BMAL1: variants seen among roughly 807,000 people sequenced by gnomAD.
BMAL1 encodes the protein basic helix-loop-helix ARNT like 1, also known as basic helix-loop-helix ARNT-like protein 1.
At chr11:13,364,973 C>T in the BMAL1 span, among the ~76,000 whole-genome samples, 1 of 151,994 alleles carries the variant, frequency 6.6e-6, no homozygotes, top group Non-Finnish European at 1.5e-5. Context: ...GCCAGACCAT[C>T]AGCATAAAAA....
chr11:13,386,602 A>G, the BMAL1 span: 2 of 1,611,744 alleles, frequency 1.2e-6, no homozygotes, highest in Non-Finnish European at 1.7e-6. Flanking sequence ...ACAGGTGAGA[A>G]CCCCCACATA....
chr11:13,303,543 C>T, the BMAL1 span, among the ~76,000 whole-genome samples: 1 of 152,180 alleles, frequency 6.6e-6, no homozygotes, highest in Admixed American at 6.5e-5. Context: ...TGTAGCAACA[C>T]AACAAAACTG....
At chr11:13,311,569 C>T in the BMAL1 span, among the ~76,000 whole-genome samples, 7 of 152,122 alleles carry the variant, frequency 4.6e-5, no homozygotes, top group African/African-American at 1.4e-4. Flanking sequence ...AAAAATAGAC[C>T]GCTCATAGAA....
the BMAL1 span, among the ~76,000 whole-genome samples, chr11:13,289,830 C>G: frequency 6.6e-6 from 1 of 152,174 alleles, no homozygotes; most frequent in African/African-American, 2.4e-5. Flanking sequence ...GTGAATAGTG[C>G]CACAATAAAC....
At chr11:13,385,755 C>T in the BMAL1 span, 4 of 1,613,300 alleles carry the variant, frequency 2.5e-6, no homozygotes, top group South Asian at 2.2e-5. Context: ...TCAGGAGAAC[C>T]CAGGTTATCC....
chr11:13,306,652 T>C, the BMAL1 span, among the ~76,000 whole-genome samples: 79 of 151,654 alleles, frequency 5.2e-4, no homozygotes, highest in African/African-American at 1.8e-3. Flanking sequence ...ATCCAGGGAG[T>C]GTGCATTCTG....
At chr11:13,313,226 A>T in the BMAL1 span, among the ~76,000 whole-genome samples, 1 of 152,084 alleles carries the variant, frequency 6.6e-6, no homozygotes, top group Admixed American at 6.5e-5. Context: ...GTTCTCCTCC[A>T]GCTGCTGAGA....
chr11:13,383,085 C>T, the BMAL1 span, among the ~76,000 whole-genome samples: 1 of 152,150 alleles, frequency 6.6e-6, no homozygotes, highest in Non-Finnish European at 1.5e-5. Context: ...AAACTGACAG[C>T]AGTATTAAAT....
chr11:13,338,823 C>T, the BMAL1 span, among the ~76,000 whole-genome samples: 3 of 152,226 alleles, frequency 2.0e-5, no homozygotes, highest in African/African-American at 4.8e-5. Context: ...AAAGGAGACA[C>T]GTCAGGGCAG....
the BMAL1 span, among the ~76,000 whole-genome samples, chr11:13,368,653 G>A: frequency 6.6e-6 from 1 of 152,096 alleles, no homozygotes; most frequent in Non-Finnish European, 1.5e-5. Context: ...GTTTTCCCTC[G>A]GCTTCTGTAC....
chr11:13,310,048 G>A, the BMAL1 span: 2 of 152,702 alleles, frequency 1.3e-5, no homozygotes, highest in East Asian at 3.9e-4. Context: ...GTGGAATCCT[G>A]GGCCTTCATT....
At chr11:13,377,622 C>T in the BMAL1 span, among the ~76,000 whole-genome samples, 3 of 152,190 alleles carry the variant, frequency 2.0e-5, no homozygotes, top group East Asian at 1.9e-4. Flanking sequence ...TTCTGTGTAT[C>T]GTCCTTTGGT....
At chr11:13,297,147 C>T in the BMAL1 span, among the ~76,000 whole-genome samples, 7 of 152,338 alleles carry the variant, frequency 4.6e-5, no homozygotes, top group Admixed American at 4.6e-4. Flanking sequence ...TCCCTTAGTT[C>T]GTTTGAATGG....
At chr11:13,339,581 G>A in the BMAL1 span, among the ~76,000 whole-genome samples, 1 of 152,142 alleles carries the variant, frequency 6.6e-6, no homozygotes, top group African/African-American at 2.4e-5. Flanking sequence ...CTGGCCCTCT[G>A]ACTGCACCCC....
the BMAL1 span, among the ~76,000 whole-genome samples, chr11:13,290,654 T>C: frequency 1.3e-5 from 2 of 152,082 alleles, no homozygotes; most frequent in African/African-American, 4.8e-5. Context: ...AGTGCTTACA[T>C]ACTTTTTCTC....
the BMAL1 span, chr11:13,277,050 A>C: frequency 6.6e-6 from 1 of 152,236 alleles, no homozygotes; most frequent in Non-Finnish European, 1.5e-5. Flanking sequence ...GGACACTTGG[A>C]GGTCATGATG....
At chr11:13,340,927 C>G in the BMAL1 span, among the ~76,000 whole-genome samples, 1 of 152,200 alleles carries the variant, frequency 6.6e-6, no homozygotes, top group Non-Finnish European at 1.5e-5. Flanking sequence ...GAATCCACCC[C>G]TTTCACAGAT....
chr11:13,284,186 ATATATATGTGTGTATATATATATGTG>A, the BMAL1 span, among the ~76,000 whole-genome samples: 82 of 66,522 alleles, frequency 1.2e-3, 6 homozygotes, highest in East Asian at 5.0e-3. Flanking sequence ...ATGTGTATAT[ATATATATGTGTGTATATATATATGTG>A]TATATATATA....
At chr11:13,285,723 T>G in the BMAL1 span, among the ~76,000 whole-genome samples, 3 of 152,200 alleles carry the variant, frequency 2.0e-5, no homozygotes, top group Non-Finnish European at 4.4e-5. Flanking sequence ...CCTTTAACCC[T>G]GAGCCCAGTG....
Sources: gnomAD v4.1 joint callset for allele counts (sites outside exome capture counted in the v4.1 genomes callset) on GRCh38, gnomAD v4.1.1 for gene constraint, MANE v1.5 for transcripts, NCBI Gene and HGNC (gene_info 2026-07-23, HGNC 2026-07-21) for gene names.